Variants in KLF9 observed in about 807,000 individuals in gnomAD.
KLF9 encodes Krueppel-like factor 9.
A neutral mutation model predicts 17.3 loss-of-function variants in KLF9; 2 were observed. That is an observed-to-expected ratio of 0.12 (90% CI 0.05 to 0.36). The LOEUF (loss-of-function observed/expected upper bound fraction) is 0.36, where lower values mean the gene tolerates loss of function less well. KLF9 is among the 10% of genes least tolerant of loss of function. The pLI is 1.00. For synonymous variants in KLF9, 138 were observed against 139.2 expected (o/e 0.99, Z 0.06); for missense variants, 226 against 333.2 (o/e 0.68, Z 2.51).
At chr9:70,392,822 A>G (rs2037160766) in intron 1 of KLF9, among the ~76,000 whole-genome samples, 1 of 152,178 alleles carries the variant, frequency 6.6e-6, no homozygotes, top group Admixed American at 6.5e-5. Flanking sequence ...CAATGCAACT[A>G]TCAATTAGAG....
At chr9:70,406,698 T>C (rs529273663) in intron 1 of KLF9, among the ~76,000 whole-genome samples, 3 of 152,228 alleles carry the variant, frequency 2.0e-5, no homozygotes, top group African/African-American at 4.8e-5. Flanking sequence ...GTGTGTTGCA[T>C]AGAAACAGAA....
At chr9:70,391,167 A>G (rs1183161937) in intron 1 of KLF9, among the ~76,000 whole-genome samples, 2 of 152,192 alleles carry the variant, frequency 1.3e-5, no homozygotes, top group Non-Finnish European at 2.9e-5. Flanking sequence ...CCAGAAGACC[A>G]TTCAGCTGTG....
rs1018914585 is a variant in KLF9, at chr9:70,386,733, T to C, written c.*1043A>G. ...ACAATAATGATGTTAACTAAAAGCATAGGAAAATTTGGAAAAGTTAATAGA... is the reference window on the plus strand; with the variant it reads ...ACAATAATGATGTTAACTAAAAGCACAGGAAAATTTGGAAAAGTTAATAGA... On this transcript the variant is annotated 3_prime_UTR_variant, in exon 2 of 2. Transcript: ENST00000377126. The C allele has an allele frequency of 6.6e-6, 1 of 152,414 alleles. No individual in the cohort carries two copies. The highest frequency in any genetic ancestry group is 2.1e-4 in the South Asian group (1 of 4,832). The allele number at this position is 152,414 out of a possible 1,614,324, so 9.4% of individuals were successfully genotyped here.
At chr9:70,391,862 T>C (rs1007072889) in intron 1 of KLF9, among the ~76,000 whole-genome samples, 1 of 152,250 alleles carries the variant, frequency 6.6e-6, no homozygotes, top group African/African-American at 2.4e-5. Flanking sequence ...TGTCTGCATA[T>C]AGTTTTATTG....
At position 70,412,855 on chromosome 9, in the gene KLF9, TA is replaced by T. The variant is rs2037335525; in HGVS notation, c.505+3del. 1.9e-6 allele frequency: 3 copies of T among 1,558,476 alleles called. No individual in the cohort carries two copies. The highest frequency in any genetic ancestry group is 2.6e-6 in the Non-Finnish European group (3 of 1,150,570). On this transcript the variant is annotated splice_donor_region_variant and intron_variant, in intron 1 of 1. Coordinates refer to ENST00000377126, the MANE Select transcript of KLF9 (RefSeq NM_001206.4). ...GCTCCGGGGGAGAGGGCGACGCCGC[TA>T]ACCTGTATGCACTCTGTAATGGGCT...
chr9:70,400,911 C>G (rs1405000115), intron 1 of KLF9, among the ~76,000 whole-genome samples: 2 of 152,122 alleles, frequency 1.3e-5, no homozygotes, highest in Non-Finnish European at 2.9e-5. Context: ...AGCTGTCCAC[C>G]CTTCACAAAA....
At position 70,387,638 on chromosome 9, in the gene KLF9, A is replaced by G; in HGVS notation, c.*138T>C. ...AAAACAATGCAGGGAGAGGAAAATC[A>G]GAATATTGACCAAAGAGCAGTGACT... is the stretch of plus-strand genomic sequence containing the variant. On this transcript the variant is annotated 3_prime_UTR_variant, in exon 2 of 2. Transcript: ENST00000377126. The G allele has an allele frequency of 1.5e-6, 1 of 689,428 alleles. No homozygotes were observed. Among genetic ancestry groups the G allele is most frequent in the Non-Finnish European group, 2.5e-6 (1 of 402,476 alleles). 42.7% of individuals were successfully genotyped at this position (689,428 alleles called of 1,614,324 possible).
At position 70,403,685 on chromosome 9, in the gene KLF9, A is replaced by AT. The variant is rs941905720; in HGVS notation, c.505+9173dup. Reference sequence around the variant, plus strand: ...TTGTAACCTGAACCAATAAAGTTTCATTTTTTTTATTAAGCCAGTCCCTGT... The same window carrying AT: ...TTGTAACCTGAACCAATAAAGTTTCATTTTTTTTTATTAAGCCAGTCCCTGT... On this transcript the variant is annotated intron_variant, in intron 1 of 1. Coordinates refer to ENST00000377126, the MANE Select transcript of KLF9 (RefSeq NM_001206.4). 2.6e-5 allele frequency among the ~76,000 whole-genome samples: 4 copies of AT among 152,184 alleles called. 1 individual carries two copies. In the South Asian group the frequency reaches 8.3e-4, roughly 32 times the overall value.
At chr9:70,409,038 GTATA>G (rs1308287258) in intron 1 of KLF9, among the ~76,000 whole-genome samples, 1 of 119,518 alleles carries the variant, frequency 8.4e-6, no homozygotes, top group Non-Finnish European at 1.7e-5. Flanking sequence ...ATATATATGT[GTATA>G]TATATATACA....
At chr9:70,394,622 G>A (rs2037171996) in intron 1 of KLF9, among the ~76,000 whole-genome samples, 1 of 152,006 alleles carries the variant, frequency 6.6e-6, no homozygotes, top group Non-Finnish European at 1.5e-5. Flanking sequence ...GAAGAAGGGG[G>A]GGTTATAAAA....
At chr9:70,412,838 G>A (rs752548593) in intron 1 of KLF9, 21 bp downstream of exon 1, 63 of 1,536,412 alleles carry the variant, frequency 4.1e-5, no homozygotes, top group Non-Finnish European at 5.4e-5. Flanking sequence ...GAGCTCCGGG[G>A]GAGAGGGCGA....
chr9:70,413,151 G>T lies in KLF9; in HGVS notation c.213C>A (p.Asn71Lys). The T allele has an allele frequency of 6.2e-7, 1 of 1,614,200 alleles. No homozygotes were observed. The highest frequency in any genetic ancestry group is 8.5e-7 in the Non-Finnish European group (1 of 1,180,034). ...AGGGGGTCTGGATGGGTCGGTACTT[G>T]TTCAGGTCCAACAAGCTCTTGGCGA... Reference protein sequence around the residue: ...VTIAKSLLDLNKYRPIQTPSV... With the variant: ...VTIAKSLLDLKKYRPIQTPSV... The change falls in exon 1 of 2, where the codon AAC becomes AAA. Residue 71 changes from asparagine (N) to lysine (K), a missense_variant. Coordinates refer to ENST00000377126, the MANE Select transcript of KLF9 (RefSeq NM_001206.4). The surrounding 1 kb of genome is among the most constrained non-coding windows in gnomAD (Gnocchi z 5.6).
At position 70,384,948 on chromosome 9, in the gene KLF9, C is replaced by A. The variant is rs2037099348; in HGVS notation, c.*2828G>T. ...GTGGAGCTAAACCTTAAAGCCAGGGCATCATTCCACAATGGTGAAGGGCTT... is the reference window on the plus strand; with the variant it reads ...GTGGAGCTAAACCTTAAAGCCAGGGAATCATTCCACAATGGTGAAGGGCTT... On this transcript the variant is annotated 3_prime_UTR_variant, in exon 2 of 2. Coordinates refer to ENST00000377126, the MANE Select transcript of KLF9 (RefSeq NM_001206.4). 3 of 152,512 alleles carry A rather than the reference C, an allele frequency of 2.0e-5. No individual in the cohort carries two copies. In the South Asian group the frequency reaches 6.2e-4, roughly 32 times the overall value. The allele number at this position is 152,512 out of a possible 1,614,324, so 9.4% of individuals were successfully genotyped here.
At chr9:70,402,500 C>A (rs565483126) in intron 1 of KLF9, among the ~76,000 whole-genome samples, 163 of 152,256 alleles carry the variant, frequency 1.1e-3, no homozygotes, top group Non-Finnish European at 2.1e-3. Flanking sequence ...TGATTTGTTT[C>A]TCTGGACATT....
At chr9:70,390,596 C>T (rs1465997302) in intron 1 of KLF9, among the ~76,000 whole-genome samples, 2 of 152,166 alleles carry the variant, frequency 1.3e-5, no homozygotes, top group Admixed American at 6.5e-5. Flanking sequence ...TTTTGTCCTA[C>T]TCATGGTGCC....
chr9:70,408,282 G>T (rs1283317595), intron 1 of KLF9, among the ~76,000 whole-genome samples: 2 of 152,206 alleles, frequency 1.3e-5, no homozygotes, highest in Non-Finnish European at 2.9e-5. Context: ...GGCTGAGGCA[G>T]GAGGATCAGT....
At chr9:70,394,864 C>T (rs116041357) in intron 1 of KLF9, among the ~76,000 whole-genome samples, 330 of 152,266 alleles carry the variant, frequency 2.2e-3, no homozygotes, top group African/African-American at 7.1e-3. Context: ...AAAATGCTTG[C>T]CATGCCTTTG....
intron 1 of KLF9, among the ~76,000 whole-genome samples, chr9:70,395,241 C>T (rs67436638): frequency 0.15 from 23,435 of 152,042 alleles, 2,052 homozygotes; most frequent in African/African-American, 0.25. Context: ...ATGTTTAATT[C>T]AGTAAGTGGC....
Position 70,413,552 on chromosome 9 carries a change from A to G in KLF9, c.-189T>C, listed in dbSNP as rs1357526327. 2.6e-6 allele frequency: 1 copy of G among 390,772 alleles called. No individual in the cohort carries two copies. The highest frequency in any genetic ancestry group is 6.4e-5 in the East Asian group (1 of 15,564). 24.2% of individuals were successfully genotyped at this position (390,772 alleles called of 1,614,324 possible). ...GAGGCGACCTCAGCCCCTCATCTTT[A>G]CGTAACCGGCAGCGCCTCCGCACGC... is the stretch of plus-strand genomic sequence containing the variant. On this transcript the variant is annotated 5_prime_UTR_variant, in exon 1 of 2. It removes the in-frame stop codon of an upstream open reading frame in the 5' UTR. Transcript: ENST00000377126. This position sits in a 1 kb window ranked among gnomAD's most constrained non-coding sequence, Gnocchi z 5.6.
Sources: allele counts gnomAD v4.1 joint callset (sites outside exome capture counted in the v4.1 genomes callset), GRCh38; gene constraint gnomAD v4.1.1; non-coding constraint Gnocchi (gnomAD v3.1); transcripts MANE v1.5; gene names NCBI Gene and HGNC (gene_info 2026-07-23, HGNC 2026-07-21).